Variants in COX7A2L observed in about 807,000 individuals in gnomAD.
COX7A2L encodes cytochrome c oxidase subunit 7A2-like, mitochondrial.
Under a neutral mutation model 14.2 loss-of-function variants are expected in COX7A2L, and 18 were observed. That is an observed-to-expected ratio of 1.27 (90% CI 0.88 to 1.88). The LOEUF (loss-of-function observed/expected upper bound fraction) is 1.88. Ranked by LOEUF, COX7A2L falls within the 40% of genes most tolerant of loss-of-function variation. COX7A2L has a pLI of 0.00. For synonymous variants in COX7A2L, 65 were observed against 57.4 expected (o/e 1.13, Z -0.60); for missense variants, 179 against 138.8 (o/e 1.29, Z -1.46).
At chr2:42,356,489 G>C (rs544394887) in intron 1 of COX7A2L, among the ~76,000 whole-genome samples, 1 of 152,224 alleles carries the variant, frequency 6.6e-6, no homozygotes, top group Non-Finnish European at 1.5e-5. Flanking sequence ...AATATAGGCA[G>C]AATGTTCAAA....
At position 42,338,215 on chromosome 2, in the gene COX7A2L, G is replaced by A. The variant is rs1251704006; in HGVS notation, c.193-4346C>T. Among the ~76,000 whole-genome samples, 2 of 152,222 alleles carry A rather than the reference G, an allele frequency of 1.3e-5. No homozygotes were observed. The highest frequency in any genetic ancestry group is 6.5e-5 in the Admixed American group (1 of 15,292). ...TTTCTCCCCCAGCCGCAGCGGCCAG[G>A]GAGCCGCTCCTCGTCTTGCTTCCGG... On this transcript the variant is annotated intron_variant, in intron 2 of 2. Transcript: ENST00000468711. The surrounding 1 kb of genome is among the most constrained non-coding windows in gnomAD (Gnocchi z 4.4).
chr2:42,367,081 C>A (rs1671178251), intron 1 of COX7A2L, among the ~76,000 whole-genome samples: 1 of 152,186 alleles, frequency 6.6e-6, no homozygotes, highest in Non-Finnish European at 1.5e-5. Context: ...ATTTTACTTG[C>A]TTCCCCTTTC....
chr2:42,339,381 G>A lies in COX7A2L; in HGVS notation c.193-5512C>T, dbSNP rs956671765. On this transcript the variant is annotated intron_variant, in intron 2 of 2. Coordinates refer to the COX7A2L transcript ENST00000468711. This position sits in a 1 kb window ranked among gnomAD's most constrained non-coding sequence, Gnocchi z 5.4. Reference sequence around the variant, plus strand: ...GTTCCACACCACTCACTCGAAGCATGAGAGACACACACTAGTGGTGAACCA... The same window carrying A: ...GTTCCACACCACTCACTCGAAGCATAAGAGACACACACTAGTGGTGAACCA... Among the ~76,000 whole-genome samples the A allele has an allele frequency of 2.6e-5, 4 of 152,292 alleles. No individual in the cohort carries two copies. The South Asian group carries it at 8.3e-4, about 32-fold the overall frequency.
intron 2 of COX7A2L, among the ~76,000 whole-genome samples, chr2:42,341,692 G>C (rs1250253772): frequency 6.6e-6 from 1 of 152,204 alleles, no homozygotes; most frequent in Non-Finnish European, 1.5e-5. Context: ...CAGCTACCAA[G>C]TATAAACAAA....
At chr2:42,353,702 G>C (rs1193891155) in intron 1 of COX7A2L, among the ~76,000 whole-genome samples, 1 of 152,094 alleles carries the variant, frequency 6.6e-6, no homozygotes, top group African/African-American at 2.4e-5. Context: ...CCCCAGAGCA[G>C]ACTTCAGAAA....
rs1530108 is a variant in COX7A2L, at chr2:42,339,800, C to A, written c.193-5931G>T. ...CTCCCACAGGGCAGCCTCGACTCTG[C>A]CCTCCTGTCGCCACTGAAGACTTTG... On this transcript the variant is annotated intron_variant, in intron 2 of 2. Transcript: ENST00000468711. This position sits in a 1 kb window ranked among gnomAD's most constrained non-coding sequence, Gnocchi z 5.4. Among the ~76,000 whole-genome samples the A allele has an allele frequency of 0.45, 68,900 of 151,812 alleles. 15,962 individuals carry two copies. The highest frequency in any genetic ancestry group is 0.74 in the East Asian group (3,799 of 5,148).
chr2:42,351,616 A>T (rs1464136637), intron 2 of COX7A2L, among the ~76,000 whole-genome samples: 2 of 152,170 alleles, frequency 1.3e-5, no homozygotes, highest in Non-Finnish European at 2.9e-5. Flanking sequence ...TTTATCACAT[A>T]TTGCTTAACT....
downstream of COX7A2L, among the ~76,000 whole-genome samples, chr2:42,349,180 T>C (rs1670562143): frequency 6.6e-6 from 1 of 152,142 alleles, no homozygotes; most frequent in African/African-American, 2.4e-5. Flanking sequence ...ATAGCAGCAT[T>C]ATTCGTAACA....
chr2:42,347,705 T>C (rs1432029533), downstream of COX7A2L, among the ~76,000 whole-genome samples: 1 of 152,202 alleles, frequency 6.6e-6, no homozygotes, highest in African/African-American at 2.4e-5. Flanking sequence ...GTGGATCACC[T>C]GAGGTCAGGA....
At chr2:42,348,486 T>G (rs929506670), downstream of COX7A2L, among the ~76,000 whole-genome samples, 8 of 152,150 alleles carry the variant, frequency 5.3e-5, no homozygotes, top group Admixed American at 2.6e-4. Context: ...CAAAAATGTT[T>G]AACCTGAAAC....
chr2:42,352,444 G>C (rs1670678089), intron 2 of COX7A2L, among the ~76,000 whole-genome samples: 1 of 152,050 alleles, frequency 6.6e-6, no homozygotes, highest in Admixed American at 6.5e-5. Flanking sequence ...CACCACACCT[G>C]GCCTGTTTAA....
chr2:42,340,071 C>T (rs1325620591), intron 2 of COX7A2L, among the ~76,000 whole-genome samples: 6 of 152,164 alleles, frequency 3.9e-5, no homozygotes, highest in African/African-American at 4.8e-5. Context: ...CCAGATCCCT[C>T]GCCTTCTCCT....
chr2:42,340,955 G>C (rs190118097), intron 2 of COX7A2L, among the ~76,000 whole-genome samples: 2 of 152,198 alleles, frequency 1.3e-5, no homozygotes, highest in Non-Finnish European at 2.9e-5. Context: ...GTTCAGACCT[G>C]GAGCCAAAGA....
At chr2:42,344,399 C>T (rs1174810686), downstream of COX7A2L, among the ~76,000 whole-genome samples, 2 of 152,142 alleles carry the variant, frequency 1.3e-5, no homozygotes, top group African/African-American at 4.8e-5. Flanking sequence ...TCTCCTTTTG[C>T]TCATACATAA....
At chr2:42,357,477 T>G (rs1160830786) in intron 1 of COX7A2L, among the ~76,000 whole-genome samples, 1 of 151,996 alleles carries the variant, frequency 6.6e-6, no homozygotes, top group Non-Finnish European at 1.5e-5. Context: ...CCCAGCTAAT[T>G]TTTCTTATTT....
At chr2:42,358,976 T>A (rs1572799535) in intron 1 of COX7A2L, 1 of 151,990 alleles carries the variant, frequency 6.6e-6, no homozygotes, top group Non-Finnish European at 1.5e-5. Context: ...AAAAATATTT[T>A]AAAAAAATAA....
intron 1 of COX7A2L, among the ~76,000 whole-genome samples, chr2:42,368,713 T>C (rs947527323): frequency 2.0e-5 from 3 of 152,204 alleles, no homozygotes; most frequent in African/African-American, 7.2e-5. Flanking sequence ...TAAGCACTCA[T>C]TAAACTGCAG....
chr2:42,353,374 G>C, intron 1 of COX7A2L, 31 bp from the exon 2 acceptor site: 2 of 1,611,516 alleles, frequency 1.2e-6, no homozygotes, highest in Non-Finnish European at 1.7e-6. Flanking sequence ...ATGGCAAGTT[G>C]AAAGTATGTC....
At chr2:42,367,217 A>T (rs1039467933) in intron 1 of COX7A2L, among the ~76,000 whole-genome samples, 3 of 152,206 alleles carry the variant, frequency 2.0e-5, no homozygotes, top group African/African-American at 7.2e-5. Flanking sequence ...GTACCTGACT[A>T]ACCTGGGTCT....
Sources: gnomAD v4.1 joint callset for allele counts (sites outside exome capture counted in the v4.1 genomes callset) on GRCh38, gnomAD v4.1.1 for gene constraint, Gnocchi (gnomAD v3.1) non-coding constraint, MANE v1.5 for transcripts, NCBI Gene and HGNC (gene_info 2026-07-23, HGNC 2026-07-21) for gene names.